The following EYA1 variants were observed in gnomAD, a reference collection of about 807,000 sequenced individuals.
EYA1 encodes the protein EYA transcriptional coactivator and phosphatase 1.
EYA1 carries 16 observed loss-of-function variants against 82.0 expected under a neutral mutation model. The observed-to-expected ratio is 0.20, with a 90% CI of 0.13 to 0.30. The LOEUF is 0.30. EYA1 is among the 10% of genes least tolerant of loss of function. The pLI is 1.00. For missense variants in EYA1, 633 were observed against 730.7 expected (o/e 0.87, Z 1.54); for synonymous variants, 261 against 264.4 (o/e 0.99, Z 0.12).
rs191647676 is a variant in EYA1, at chr8:71,405,841, C to T, written c.34-49330G>A. On this transcript the variant is annotated intron_variant, in intron 2 of 18. Coordinates refer to the EYA1 transcript ENST00000643681. Reference sequence around the variant, plus strand: ...CTATTACTTTCCTTCTTATCACTGACAAACTTTCTGGAAAACTACTCACAT... The same window carrying T: ...CTATTACTTTCCTTCTTATCACTGATAAACTTTCTGGAAAACTACTCACAT... 2.3e-3 allele frequency among the ~76,000 whole-genome samples: 350 copies of T among 152,308 alleles called. 2 individuals carry two copies. Among genetic ancestry groups the T allele is most frequent in the Non-Finnish European group, 3.1e-3 (211 of 68,022 alleles).
chr8:71,394,215 T>C (rs181094233), intron 2 of EYA1, among the ~76,000 whole-genome samples: 39,342 of 151,858 alleles, frequency 0.26, 5,315 homozygotes, highest in Non-Finnish European at 0.29. Flanking sequence ...GGGTAGATTG[T>C]AAAAATTTTC....
At chr8:71,274,773 A>G (rs574553635) in intron 9 of EYA1, among the ~76,000 whole-genome samples, 2 of 152,356 alleles carry the variant, frequency 1.3e-5, no homozygotes, top group East Asian at 3.9e-4. Context: ...AGGCTTACAG[A>G]AGCTTCCTGA....
chr8:71,494,772 A>G (rs1811286909), intron 2 of EYA1, among the ~76,000 whole-genome samples: 1 of 152,158 alleles, frequency 6.6e-6, no homozygotes, highest in Non-Finnish European at 1.5e-5. Flanking sequence ...AATCTAAAAT[A>G]TGTATAAGGA....
At chr8:71,243,909 G>C (rs144082979) in intron 12 of EYA1, among the ~76,000 whole-genome samples, 2 of 152,224 alleles carry the variant, frequency 1.3e-5, no homozygotes, top group South Asian at 4.1e-4. Flanking sequence ...GCTTAACAGC[G>C]GAATTTAAAT....
At chr8:71,401,848 G>A (rs1432459601) in intron 2 of EYA1, among the ~76,000 whole-genome samples, 1 of 152,152 alleles carries the variant, frequency 6.6e-6, no homozygotes, top group African/African-American at 2.4e-5. Flanking sequence ...CCACTTAAAT[G>A]AATTATAGTT....
intron 2 of EYA1, among the ~76,000 whole-genome samples, chr8:71,444,069 A>G (rs923210693): frequency 6.6e-6 from 1 of 152,232 alleles, no homozygotes; most frequent in Non-Finnish European, 1.5e-5. Flanking sequence ...TTGGTTTGCC[A>G]CAGCCATTTG....
At chr8:71,449,595 C>T (rs529236634) in intron 2 of EYA1, among the ~76,000 whole-genome samples, 3 of 152,174 alleles carry the variant, frequency 2.0e-5, no homozygotes, top group African/African-American at 7.2e-5. Context: ...ACAGGCAGTG[C>T]AGATTTAGCA....
intron 2 of EYA1, among the ~76,000 whole-genome samples, chr8:71,497,904 G>A (rs191185056): frequency 2.3e-4 from 35 of 152,172 alleles, no homozygotes; most frequent in African/African-American, 7.7e-4. Flanking sequence ...TGTCATTTGC[G>A]AGAACATAAA....
At chr8:71,527,007 T>C (rs552148342) in intron 2 of EYA1, among the ~76,000 whole-genome samples, 61 of 152,338 alleles carry the variant, frequency 4.0e-4, no homozygotes, top group African/African-American at 1.4e-3. Flanking sequence ...AGGAAAATTG[T>C]ATATGATACT....
intron 2 of EYA1, among the ~76,000 whole-genome samples, chr8:71,510,051 T>C (rs926001238): frequency 6.6e-6 from 1 of 150,780 alleles, no homozygotes; most frequent in Non-Finnish European, 1.5e-5. Flanking sequence ...ATTATTTTAA[T>C]ATATAATAAA....
chr8:71,512,969 G>A (rs988874986), intron 2 of EYA1, among the ~76,000 whole-genome samples: 3 of 152,136 alleles, frequency 2.0e-5, no homozygotes, highest in Non-Finnish European at 4.4e-5. Flanking sequence ...CATACACAAG[G>A]TGGAAAGATT....
At chr8:71,518,463 T>A (rs1813146175) in intron 2 of EYA1, among the ~76,000 whole-genome samples, 1 of 152,154 alleles carries the variant, frequency 6.6e-6, no homozygotes, top group Non-Finnish European at 1.5e-5. Flanking sequence ...GCGACAATGC[T>A]ATTTTCTGTC....
At chr8:71,412,260 G>A (rs995304042) in intron 2 of EYA1, among the ~76,000 whole-genome samples, 1 of 142,540 alleles carries the variant, frequency 7.0e-6, no homozygotes, top group African/African-American at 2.6e-5. Context: ...GGATAGCATT[G>A]GGAGATATAC....
chr8:71,408,415 G>C (rs1486849118), intron 2 of EYA1, among the ~76,000 whole-genome samples: 1 of 125,118 alleles, frequency 8.0e-6, no homozygotes, highest in Non-Finnish European at 1.7e-5. Flanking sequence ...CCAATTAAAA[G>C]ACACAGACTG....
intron 2 of EYA1, among the ~76,000 whole-genome samples, chr8:71,461,822 C>T (rs1808383976): frequency 6.6e-6 from 1 of 152,086 alleles, no homozygotes; most frequent in Non-Finnish European, 1.5e-5. Context: ...ATTCCCTAGC[C>T]AGGGTGTCCT....
chr8:71,287,555 G>C (rs925154619), intron 9 of EYA1, among the ~76,000 whole-genome samples: 7 of 152,148 alleles, frequency 4.6e-5, no homozygotes, highest in African/African-American at 1.7e-4. Context: ...TGGATAACCT[G>C]GTAGAAACCT....
intron 2 of EYA1, among the ~76,000 whole-genome samples, chr8:71,440,023 G>T (rs910236624): frequency 6.6e-6 from 1 of 152,150 alleles, no homozygotes; most frequent in Non-Finnish European, 1.5e-5. Context: ...CCAAAGCAAA[G>T]ATGGCTTCTA....
chr8:71,431,206 T>C (rs944921882), intron 2 of EYA1, among the ~76,000 whole-genome samples: 1 of 152,234 alleles, frequency 6.6e-6, no homozygotes, highest in Non-Finnish European at 1.5e-5. Flanking sequence ...GATATAATCC[T>C]TGATTCCCAC....
At chr8:71,412,419 AATAAAAT>A (rs1171513238) in intron 2 of EYA1, among the ~76,000 whole-genome samples, 1 of 126,354 alleles carries the variant, frequency 7.9e-6, no homozygotes, top group African/African-American at 2.7e-5. Flanking sequence ...AATAAAATAA[AATAAAAT>A]AAAAAAAAGA....
Sources: allele counts gnomAD v4.1 joint callset (sites outside exome capture counted in the v4.1 genomes callset), GRCh38; gene constraint gnomAD v4.1.1; transcripts MANE v1.5; gene names NCBI Gene and HGNC (gene_info 2026-07-23, HGNC 2026-07-21).